Variants in NKAIN3 observed in about 807,000 individuals in gnomAD.
NKAIN3 encodes the protein sodium/potassium transporting ATPase interacting 3, also known as sodium/potassium-transporting ATPase subunit beta-1-interacting protein 3.
In NKAIN3, 25 loss-of-function variants were observed where a neutral mutation model predicts 30.2. The observed-to-expected ratio is 0.83, with a 90% CI of 0.60 to 1.16. The LOEUF is 1.16. Ranked by LOEUF, NKAIN3 falls within the 50% of genes most tolerant of loss-of-function variation. The pLI, the probability that NKAIN3 is intolerant of heterozygous loss-of-function variation, is 0.00. For missense variants in NKAIN3, 225 were observed against 254.1 expected (o/e 0.89, Z 0.78); for synonymous variants, 91 against 89.6 (o/e 1.02, Z -0.09).
intron 3 of NKAIN3, among the ~76,000 whole-genome samples, chr8:62,648,448 G>A (rs1812531332): frequency 6.6e-6 from 1 of 152,162 alleles, no homozygotes; most frequent in African/African-American, 2.4e-5. Context: ...CAAGCTGGAA[G>A]CAAAGCTACA....
chr8:62,861,102 C>G (rs1563598465), intron 4 of NKAIN3, among the ~76,000 whole-genome samples: 2 of 152,170 alleles, frequency 1.3e-5, no homozygotes, highest in Non-Finnish European at 2.9e-5. Flanking sequence ...TTGTGTGCCT[C>G]GATCAGTGAT....
chr8:62,801,208 A>G (rs1352737915), intron 4 of NKAIN3, among the ~76,000 whole-genome samples: 1 of 152,200 alleles, frequency 6.6e-6, no homozygotes, highest in Non-Finnish European at 1.5e-5. Flanking sequence ...AAACAAAAAG[A>G]CAGCAGTAAC....
At chr8:62,653,266 T>G (rs1812676739) in intron 3 of NKAIN3, among the ~76,000 whole-genome samples, 1 of 152,172 alleles carries the variant, frequency 6.6e-6, no homozygotes, top group Admixed American at 6.5e-5. Flanking sequence ...GGCCACCTTC[T>G]GTGTTCTTAA....
At chr8:62,262,645 C>T (rs1200827954) in intron 1 of NKAIN3, among the ~76,000 whole-genome samples, 1 of 152,188 alleles carries the variant, frequency 6.6e-6, no homozygotes, top group East Asian at 1.9e-4. Flanking sequence ...CAAAGATCCC[C>T]TAAGAGTCTT....
At chr8:62,860,823 C>T (rs539186929) in intron 4 of NKAIN3, among the ~76,000 whole-genome samples, 3 of 152,204 alleles carry the variant, frequency 2.0e-5, no homozygotes, top group Non-Finnish European at 2.9e-5. Context: ...AAGGATAAGA[C>T]AGCCTCCAGA....
At chr8:62,489,885 T>A (rs1807016598) in intron 1 of NKAIN3, among the ~76,000 whole-genome samples, 1 of 152,226 alleles carries the variant, frequency 6.6e-6, no homozygotes, top group African/African-American at 2.4e-5. Context: ...ACCAAAGGTC[T>A]GGCTTCCAGT....
At chr8:62,543,397 C>T (rs1808905068) in intron 1 of NKAIN3, among the ~76,000 whole-genome samples, 1 of 152,162 alleles carries the variant, frequency 6.6e-6, no homozygotes, top group African/African-American at 2.4e-5. Context: ...ATCATATAAA[C>T]TTCATTCTAG....
At position 62,968,083 on chromosome 8, in the gene NKAIN3, A is replaced by T. The variant is rs1290378107; in HGVS notation, c.*2676A>T. Reference sequence around the variant, plus strand: ...TTTCAATCTCCAACCTCAGCAATCCATAAAGATTGTCCTAACATTCTGGAT... The same window carrying T: ...TTTCAATCTCCAACCTCAGCAATCCTTAAAGATTGTCCTAACATTCTGGAT... On this transcript the variant is annotated 3_prime_UTR_variant, in exon 7 of 7. Coordinates refer to ENST00000623646, the MANE Select transcript of NKAIN3 (RefSeq NM_001304533.3). Among the ~76,000 whole-genome samples, 3 of 152,222 alleles carry T rather than the reference A, an allele frequency of 2.0e-5. No individual in the cohort carries two copies. The highest frequency in any genetic ancestry group is 4.4e-5 in the Non-Finnish European group (3 of 68,028).
intron 3 of NKAIN3, among the ~76,000 whole-genome samples, chr8:62,729,826 C>G (rs552230143): frequency 6.6e-6 from 1 of 152,264 alleles, no homozygotes; most frequent in Non-Finnish European, 1.5e-5. Context: ...GGCTTCCAAT[C>G]TAAATTTGAA....
At chr8:62,549,506 G>T (rs189895211) in intron 1 of NKAIN3, among the ~76,000 whole-genome samples, 93 of 152,164 alleles carry the variant, frequency 6.1e-4, no homozygotes, top group African/African-American at 1.2e-3. Context: ...CCAGCTAGTG[G>T]CTGATAGGAT....
chr8:62,922,476 G>A (rs930735331), intron 5 of NKAIN3, among the ~76,000 whole-genome samples: 1 of 152,158 alleles, frequency 6.6e-6, no homozygotes, highest in African/African-American at 2.4e-5. Context: ...AAGCCTCAGA[G>A]AAGTAAGGTG....
intron 4 of NKAIN3, among the ~76,000 whole-genome samples, chr8:62,780,590 G>A (rs146073351): frequency 6.6e-6 from 1 of 152,008 alleles, no homozygotes; most frequent in Admixed American, 6.6e-5. Context: ...AATATACCAT[G>A]ATCAAGTGGG....
chr8:62,294,100 G>T (rs915429078), intron 1 of NKAIN3, among the ~76,000 whole-genome samples: 3 of 152,188 alleles, frequency 2.0e-5, no homozygotes, highest in Non-Finnish European at 4.4e-5. Flanking sequence ...GCAGTATTAG[G>T]GTGGGAGTGT....
At chr8:62,767,601 A>G (rs960953214) in intron 4 of NKAIN3, among the ~76,000 whole-genome samples, 3 of 152,072 alleles carry the variant, frequency 2.0e-5, no homozygotes, top group Non-Finnish European at 4.4e-5. Context: ...TCTTCACCAA[A>G]ATGTTTTCAG....
At chr8:62,597,617 A>C (rs1810872715) in intron 3 of NKAIN3, among the ~76,000 whole-genome samples, 1 of 151,990 alleles carries the variant, frequency 6.6e-6, no homozygotes, top group Non-Finnish European at 1.5e-5. Flanking sequence ...GACCAATGGC[A>C]AAAACAAAAT....
chr8:62,615,459 C>T (rs1378175165), intron 3 of NKAIN3, among the ~76,000 whole-genome samples: 1 of 152,124 alleles, frequency 6.6e-6, no homozygotes, highest in African/African-American at 2.4e-5. Context: ...GGTGCCAGCA[C>T]TCCTTTTGCT....
intron 1 of NKAIN3, among the ~76,000 whole-genome samples, chr8:62,558,804 T>C (rs1226359325): frequency 6.6e-6 from 1 of 152,108 alleles, no homozygotes; most frequent in Non-Finnish European, 1.5e-5. Flanking sequence ...CTTTTTCTAA[T>C]ATATGCATTA....
intron 3 of NKAIN3, among the ~76,000 whole-genome samples, chr8:62,648,587 A>G (rs975157482): frequency 2.0e-5 from 3 of 152,290 alleles, no homozygotes; most frequent in Admixed American, 1.3e-4. Flanking sequence ...CTTCATAGGA[A>G]TCACAGCCTG....
intron 4 of NKAIN3, among the ~76,000 whole-genome samples, chr8:62,836,619 G>T (rs534251393): frequency 5.7e-4 from 87 of 152,222 alleles, no homozygotes; most frequent in African/African-American, 1.9e-3. Context: ...CAAGTAGGTA[G>T]AATTACATGG....
Sources: allele counts gnomAD v4.1 joint callset (sites outside exome capture counted in the v4.1 genomes callset), GRCh38; gene constraint gnomAD v4.1.1; transcripts MANE v1.5; gene names NCBI Gene and HGNC (gene_info 2026-07-23, HGNC 2026-07-21).